Variants in PDE4D observed in about 807,000 individuals in gnomAD.
PDE4D encodes the protein 3',5'-cyclic-AMP phosphodiesterase 4D.
Under a neutral mutation model 87.4 loss-of-function variants are expected in PDE4D, and 24 were observed. The ratio of observed to expected loss-of-function variants is 0.27; its 90% CI spans 0.20 to 0.39. The LOEUF (loss-of-function observed/expected upper bound fraction) is 0.39, where lower values mean the gene tolerates loss of function less well. PDE4D is among the 10% of genes least tolerant of loss of function. PDE4D has a pLI of 1.00. For missense variants in PDE4D, 714 were observed against 1,041.0 expected (o/e 0.69, Z 4.32); for synonymous variants, 384 against 383.2 (o/e 1.00, Z -0.02).
intron 1 of PDE4D, among the ~76,000 whole-genome samples, chr5:59,548,746 C>CAGT (rs1817664866): frequency 6.6e-6 from 1 of 152,096 alleles, no homozygotes; most frequent in African/African-American, 2.4e-5. Context: ...AATGGAGTTC[C>CAGT]TTACTGGGGA....
intron 3 of PDE4D, among the ~76,000 whole-genome samples, chr5:59,908,869 G>A (rs1753133999): frequency 6.6e-6 from 1 of 152,164 alleles, no homozygotes; most frequent in South Asian, 2.1e-4. Context: ...AATACACTTG[G>A]AAATAACACA....
At chr5:59,264,101 T>C (rs995116536) in intron 1 of PDE4D, among the ~76,000 whole-genome samples, 6 of 152,016 alleles carry the variant, frequency 3.9e-5, no homozygotes, top group African/African-American at 1.4e-4. Context: ...GCAAATTTAA[T>C]GGTGAGATTA....
intron 1 of PDE4D, among the ~76,000 whole-genome samples, chr5:59,760,679 T>G (rs1561611272): frequency 6.6e-6 from 1 of 152,218 alleles, no homozygotes; most frequent in Non-Finnish European, 1.5e-5. Flanking sequence ...TTTTGAGAGA[T>G]ATATCATAAA....
At chr5:59,154,101 C>T (rs138554188) in intron 5 of PDE4D, among the ~76,000 whole-genome samples, 22 of 151,882 alleles carry the variant, frequency 1.4e-4, no homozygotes, top group African/African-American at 5.3e-4. Context: ...GGGTACCACA[C>T]GAAAGAGATC....
At chr5:59,126,918 G>C (rs888649217) in intron 5 of PDE4D, among the ~76,000 whole-genome samples, 7 of 152,162 alleles carry the variant, frequency 4.6e-5, no homozygotes. Flanking sequence ...AGTTAGAGTG[G>C]AACAATTAGG....
intron 2 of PDE4D, among the ~76,000 whole-genome samples, chr5:60,057,780 C>T (rs957097682): frequency 6.6e-6 from 1 of 151,820 alleles, no homozygotes; most frequent in Non-Finnish European, 1.5e-5. Flanking sequence ...GTACTTATGA[C>T]CAAAGCCATT....
intron 1 of PDE4D, among the ~76,000 whole-genome samples, chr5:59,512,009 T>A (rs887562496): frequency 1.3e-5 from 2 of 152,106 alleles, no homozygotes; most frequent in East Asian, 3.8e-4. Flanking sequence ...CTCCAGAACA[T>A]AAACAAAACA....
intron 1 of PDE4D, chr5:59,275,959 G>A: frequency 4.1e-6 from 4 of 985,126 alleles, no homozygotes; most frequent in Non-Finnish European, 4.8e-6. Context: ...TTGGCTGGGT[G>A]GGCTGATTTA....
At chr5:60,282,644 C>T (rs1227312888) in intron 1 of PDE4D, among the ~76,000 whole-genome samples, 4 of 152,102 alleles carry the variant, frequency 2.6e-5, no homozygotes, top group Non-Finnish European at 4.4e-5. Flanking sequence ...CTGGATAATC[C>T]AGGATTATTC....
At chr5:59,835,414 A>G (rs1741867927) in intron 1 of PDE4D, among the ~76,000 whole-genome samples, 1 of 151,998 alleles carries the variant, frequency 6.6e-6, no homozygotes. Flanking sequence ...GACAGCCCTG[A>G]TGACAGTTAC....
intron 3 of PDE4D, among the ~76,000 whole-genome samples, chr5:59,909,919 T>C (rs1753257486): frequency 6.6e-6 from 1 of 152,176 alleles, no homozygotes; most frequent in African/African-American, 2.4e-5. Context: ...TGAAATTTCC[T>C]AAAGATGACA....
At chr5:60,119,329 C>CA (rs1266383538) in intron 2 of PDE4D, among the ~76,000 whole-genome samples, 1 of 152,148 alleles carries the variant, frequency 6.6e-6, no homozygotes, top group Non-Finnish European at 1.5e-5. Context: ...CAGGAACTCA[C>CA]AAAAATCAAT....
At chr5:58,984,968 G>C (rs1249274459) in intron 11 of PDE4D, among the ~76,000 whole-genome samples, 1 of 152,062 alleles carries the variant, frequency 6.6e-6, no homozygotes, top group Admixed American at 6.6e-5. Context: ...GGAGTGTGAT[G>C]GTATGATCTC....
chr5:59,985,848 T>C (rs915115178), intron 3 of PDE4D, among the ~76,000 whole-genome samples: 6 of 152,216 alleles, frequency 3.9e-5, no homozygotes, highest in Non-Finnish European at 5.9e-5. Context: ...TCTGTATACA[T>C]GAGTTTCACA....
intron 1 of PDE4D, among the ~76,000 whole-genome samples, chr5:59,718,835 T>C (rs952928261): frequency 3.3e-5 from 5 of 152,152 alleles, no homozygotes; most frequent in Non-Finnish European, 5.9e-5. Flanking sequence ...TTTCAGATTG[T>C]AGTAATTTGA....
At chr5:59,554,048 A>C (rs1390811140) in intron 1 of PDE4D, among the ~76,000 whole-genome samples, 1 of 152,120 alleles carries the variant, frequency 6.6e-6, no homozygotes, top group Non-Finnish European at 1.5e-5. Context: ...AAAAGAGCAA[A>C]GGAGGGCTGA....
chr5:60,218,911 G>A (rs1744180596), intron 1 of PDE4D, among the ~76,000 whole-genome samples: 1 of 152,094 alleles, frequency 6.6e-6, no homozygotes. Flanking sequence ...GTCTTGAGAA[G>A]TATTGTGTTA....
intron 5 of PDE4D, among the ~76,000 whole-genome samples, chr5:59,168,946 A>T (rs923574785): frequency 6.6e-6 from 1 of 152,206 alleles, no homozygotes; most frequent in African/African-American, 2.4e-5. Flanking sequence ...TTTGGATATC[A>T]TAAGGTTTAA....
intron 1 of PDE4D, among the ~76,000 whole-genome samples, chr5:60,276,977 AT>A (rs1751434904): frequency 6.6e-6 from 1 of 151,696 alleles, no homozygotes; most frequent in African/African-American, 2.4e-5. Flanking sequence ...GTTAGGTCAT[AT>A]TTTTTATTCC....
Sources: gnomAD v4.1 joint callset for allele counts (sites outside exome capture counted in the v4.1 genomes callset) on GRCh38, gnomAD v4.1.1 for gene constraint, MANE v1.5 for transcripts, NCBI Gene and HGNC (gene_info 2026-07-23, HGNC 2026-07-21) for gene names.